HRH1: variants seen among roughly 807,000 people sequenced by gnomAD.
HRH1 encodes histamine receptor H1, also known as histamine H1 receptor.
Under a neutral mutation model 10.3 loss-of-function variants are expected in HRH1, and 6 were observed. That is an observed-to-expected ratio of 0.58 (90% confidence interval 0.32 to 1.15). The LOEUF (loss-of-function observed/expected upper bound fraction) is 1.15, where lower values mean the gene tolerates loss of function less well. HRH1 is among the 50% of genes most tolerant of loss of function. The pLI, the probability that HRH1 is intolerant of heterozygous loss-of-function variation, is 0.05. For synonymous variants in HRH1, 242 were observed against 236.7 expected, an observed-to-expected ratio of 1.02 and a Z score of -0.21; for missense variants, 514 against 615.3, an observed-to-expected ratio of 0.84 and a Z score of 1.74.
intron 1 of HRH1, among the ~76,000 whole-genome samples, chr3:11,176,342 C>G (rs1937248532): frequency 6.6e-6 from 1 of 152,328 alleles, no homozygotes; most frequent in Non-Finnish European, 1.5e-5. Flanking sequence ...GACAATTCTT[C>G]ACCAGATGCC....
chr3:11,232,581 TTC>T (rs1939071296), intron 1 of HRH1, among the ~76,000 whole-genome samples: 1 of 152,238 alleles, frequency 6.6e-6, no homozygotes, highest in South Asian at 2.1e-4. Context: ...TCCCATTTTA[TTC>T]TCTTTTTCTC....
intron 1 of HRH1, among the ~76,000 whole-genome samples, chr3:11,245,090 T>C (rs562318560): frequency 6.6e-6 from 1 of 152,306 alleles, no homozygotes; most frequent in East Asian, 1.9e-4. Flanking sequence ...TGGTGGCTAA[T>C]GCCTGTAATC....
intron 1 of HRH1, among the ~76,000 whole-genome samples, chr3:11,179,769 C>CT (rs777856916): frequency 0.097 from 12,747 of 131,514 alleles, 1,202 homozygotes; most frequent in African/African-American, 0.26. Context: ...GTGTGTGTGG[C>CT]TTTTTTTTTT....
intron 1 of HRH1, among the ~76,000 whole-genome samples, chr3:11,221,569 G>A (rs903397898): frequency 1.3e-4 from 20 of 150,270 alleles, no homozygotes; most frequent in African/African-American, 4.9e-4. Context: ...AAAAAAAAAT[G>A]TATATATATA....
At chr3:11,166,163 C>T (rs1342542505) in intron 1 of HRH1, among the ~76,000 whole-genome samples, 1 of 152,176 alleles carries the variant, frequency 6.6e-6, no homozygotes, top group Non-Finnish European at 1.5e-5. Context: ...ACACAAACCC[C>T]ATGGCCCCAT....
chr3:11,206,870 C>A (rs780565406), intron 1 of HRH1, among the ~76,000 whole-genome samples: 8 of 152,134 alleles, frequency 5.3e-5, no homozygotes, highest in Non-Finnish European at 8.8e-5. Context: ...AAGGGACAGA[C>A]AAGGGAAAGT....
At chr3:11,137,266 A>C (rs1559247633) in exon 1 of HRH1, 1 of 152,082 alleles carries the variant, frequency 6.6e-6, no homozygotes, top group East Asian at 1.9e-4. Context: ...AGCCGTAGAG[A>C]AGTTGTCCGC....
rs528693680 is a variant in HRH1, at chr3:11,245,263, G to T, written c.-35-13740G>T. Among the ~76,000 whole-genome samples the T allele has an allele frequency of 8.9e-4, 135 of 152,214 alleles. 1 individual carries two copies. Among genetic ancestry groups the T allele is most frequent in the African/African-American group, 3.2e-3 (134 of 41,524 alleles). On this transcript the variant is annotated intron_variant, in intron 1 of 1. Transcript: ENST00000431010. Reference sequence around the variant, plus strand: ...AGGCACTCAGGAGGCCGAGGCAGGGGAATCACTTGAACCCGGGAGGCAGAG... The same window carrying T: ...AGGCACTCAGGAGGCCGAGGCAGGGTAATCACTTGAACCCGGGAGGCAGAG...
chr3:11,171,125 T>TTTC (rs1364277832), intron 1 of HRH1, among the ~76,000 whole-genome samples: 3 of 148,206 alleles, frequency 2.0e-5, no homozygotes, highest in African/African-American at 7.4e-5. Context: ...TTTCTTTTCT[T>TTTC]TTTTTTTTTT....
At chr3:11,151,146 T>C (rs7652903), upstream of HRH1, among the ~76,000 whole-genome samples, 41,906 of 152,138 alleles carry the variant, frequency 0.28, 7,581 homozygotes, top group African/African-American at 0.51. Flanking sequence ...CAGGACTGGG[T>C]ATGTGATCCA....
intron 1 of HRH1, among the ~76,000 whole-genome samples, chr3:11,145,429 CCTT>C (rs1195913489): frequency 1.3e-5 from 2 of 152,158 alleles, no homozygotes; most frequent in African/African-American, 4.8e-5. Context: ...AAGAAACCCT[CCTT>C]GAGTGTCTCT....
At chr3:11,161,747 A>G (rs1462314859) in intron 1 of HRH1, among the ~76,000 whole-genome samples, 2 of 152,238 alleles carry the variant, frequency 1.3e-5, no homozygotes, top group South Asian at 2.1e-4. Flanking sequence ...CAGGAGCTCA[A>G]TAAATATTTT....
intron 1 of HRH1, among the ~76,000 whole-genome samples, chr3:11,140,160 C>T (rs1936264196): frequency 6.6e-6 from 1 of 152,086 alleles, no homozygotes; most frequent in African/African-American, 2.4e-5. Context: ...TCTTAGCTGC[C>T]CTGCGATGGG....
intron 1 of HRH1, among the ~76,000 whole-genome samples, chr3:11,240,469 G>A (rs1004518880): frequency 1.4e-4 from 22 of 151,896 alleles, no homozygotes; most frequent in African/African-American, 4.4e-4. Flanking sequence ...AGGTTGCCCC[G>A]ATCCCTACCA....
intron 1 of HRH1, among the ~76,000 whole-genome samples, chr3:11,213,167 CGCTAGAATGGTA>C: frequency 6.6e-6 from 1 of 152,242 alleles, no homozygotes; most frequent in East Asian, 1.9e-4. Context: ...ATGTTTCTTC[CGCTAGAATGGTA>C]GCTCCTTGTG....
At chr3:11,198,988 A>G (rs1300361824) in intron 1 of HRH1, among the ~76,000 whole-genome samples, 1 of 151,074 alleles carries the variant, frequency 6.6e-6, no homozygotes. Context: ...CAGTGACACT[A>G]TCTCAGTTCA....
At chr3:11,231,239 A>G (rs1423085818) in intron 1 of HRH1, among the ~76,000 whole-genome samples, 2 of 152,166 alleles carry the variant, frequency 1.3e-5, no homozygotes, top group Non-Finnish European at 2.9e-5. Flanking sequence ...TCACCCATCA[A>G]AGGGTAGCTG....
intron 1 of HRH1, among the ~76,000 whole-genome samples, chr3:11,198,248 TCATTC>T (rs1272612457): frequency 6.6e-6 from 1 of 152,114 alleles, no homozygotes; most frequent in Non-Finnish European, 1.5e-5. Context: ...CGGTGCCTGC[TCATTC>T]CCCTGAGTGT....
chr3:11,199,050 A>G (rs992519096), intron 1 of HRH1, among the ~76,000 whole-genome samples: 1 of 151,944 alleles, frequency 6.6e-6, no homozygotes, highest in Non-Finnish European at 1.5e-5. Flanking sequence ...CATCCTCCCA[A>G]GTTGCTAGAA....
Sources: allele counts gnomAD v4.1 joint callset (sites outside exome capture counted in the v4.1 genomes callset), GRCh38; gene constraint gnomAD v4.1.1; transcripts MANE v1.5; gene names NCBI Gene and HGNC (gene_info 2026-07-23, HGNC 2026-07-21).